The following TRHDE variants were observed in gnomAD, a reference collection of about 807,000 sequenced individuals.
TRHDE encodes thyrotropin releasing hormone degrading enzyme, also known as thyrotropin-releasing hormone-degrading ectoenzyme.
A neutral mutation model predicts 125.7 loss-of-function variants in TRHDE; 72 were observed. The observed-to-expected ratio is 0.57, with a 90% CI of 0.47 to 0.70. TRHDE has a LOEUF of 0.70. Among genes scored for constraint, TRHDE ranks in the 30% least tolerant of loss-of-function variants. The pLI is 0.00. For synonymous variants in TRHDE, 509 were observed against 509.1 expected, an observed-to-expected ratio of 1.00 and a Z score of 0.00; for missense variants, 1,110 against 1,327.1, an observed-to-expected ratio of 0.84 and a Z score of 2.54.
chr12:72,562,054 C>CT (rs1381555585), intron 7 of TRHDE, 111 bp from the exon 8 acceptor site: 2 of 518,064 alleles, frequency 3.9e-6, no homozygotes, highest in Non-Finnish European at 3.5e-6. Flanking sequence ...TTTTTATGTC[C>CT]TTTTTTATTA....
chr12:72,330,442 G>C lies in TRHDE; in HGVS notation c.1188+43488G>C, dbSNP rs1014854693. On this transcript the variant is annotated intron_variant, in intron 2 of 18. Coordinates refer to ENST00000261180, the MANE Select transcript of TRHDE (RefSeq NM_013381.3). ...GTTACGTGAGGGAGCGGAAGTGTCA[G>C]AACTGGAGCCGAGCGAGCAGCGCTC... is the stretch of plus-strand genomic sequence containing the variant. Among the ~76,000 whole-genome samples the C allele has an allele frequency of 2.6e-5, 4 of 152,300 alleles. No homozygotes were observed. The East Asian group carries it at 7.7e-4, about 29-fold the overall frequency.
At position 72,670,118 on chromosome 12, in the gene TRHDE, C is replaced by A. The variant is rs1276726715; in HGVS notation, c.*6923C>A. ...AAAGTTTACTTTCCTAAATCCATTC[C>A]CCAAGTGAACAGGCTTATTTAAAAT... On this transcript the variant is annotated 3_prime_UTR_variant, in exon 19 of 19. Transcript: ENST00000261180. 6.6e-6 allele frequency: 1 copy of A among 151,576 alleles called. No individual in the cohort carries two copies. The highest frequency in any genetic ancestry group is 2.4e-5 in the African/African-American group (1 of 41,340). The allele number at this position is 151,576 out of a possible 1,614,324, so 9.4% of individuals were successfully genotyped here. A position where few individuals can be genotyped will look rare whatever the true frequency, so the allele number is the denominator to read the frequency against.
At chr12:72,138,255 G>C (rs772924471) in intron 2 of TRHDE, among the ~76,000 whole-genome samples, 1 of 151,846 alleles carries the variant, frequency 6.6e-6, no homozygotes, top group African/African-American at 2.4e-5. Context: ...CGCACCTGTA[G>C]TGCCAGCTAC....
chr12:72,130,642 C>G (rs1875838961), intron 2 of TRHDE, among the ~76,000 whole-genome samples: 1 of 152,148 alleles, frequency 6.6e-6, no homozygotes, highest in Admixed American at 6.5e-5. Context: ...TCAGAGATTT[C>G]TGTCAATTGA....
chr12:72,405,986 G>T (rs1475904620), intron 3 of TRHDE, among the ~76,000 whole-genome samples: 1 of 152,034 alleles, frequency 6.6e-6, no homozygotes, highest in African/African-American at 2.4e-5. Context: ...TTCTTTAAAG[G>T]CTCACTAGCT....
intron 15 of TRHDE, among the ~76,000 whole-genome samples, chr12:72,628,461 G>T (rs965858519): frequency 2.6e-5 from 4 of 151,852 alleles, no homozygotes; most frequent in Non-Finnish European, 5.9e-5. Context: ...AAAAAGTTTA[G>T]CTGATTGGGC....
intron 3 of TRHDE, among the ~76,000 whole-genome samples, chr12:72,434,647 A>C (rs1253662748): frequency 1.3e-5 from 2 of 152,144 alleles, no homozygotes; most frequent in Admixed American, 6.6e-5. Context: ...GCATGGACAA[A>C]ATGACCTTGT....
intron 12 of TRHDE, among the ~76,000 whole-genome samples, chr12:72,581,501 T>C (rs148265849): frequency 6.6e-6 from 1 of 152,330 alleles, no homozygotes; most frequent in Non-Finnish European, 1.5e-5. Context: ...CCCTGGGCAG[T>C]TACTATGTTA....
At position 72,653,016 on chromosome 12, in the gene TRHDE, G is replaced by C. The variant is rs758720830; in HGVS notation, c.2844G>C (p.Arg948Ser). ...TTTTTACAAAATTCTATCTTTGAAG[G>C]CTTCTAAATCTGTCACTGAATTCTG... ...TCSDDRNLLN[R>S]LLNLSLNSEV... is the part of the protein sequence containing the mutation. The change falls in exon 17 of 19, where the codon AGG (arginine) becomes AGC (serine). Residue 948 changes from arginine to serine, a missense_variant and splice_region_variant. Around this residue, in one of 5 missense-constraint regions of TRHDE, gnomAD observed 527 missense variants for 651.8 expected, o/e 0.81. Transcript: ENST00000261180. The C allele has an allele frequency of 6.3e-7, 1 of 1,592,270 alleles. No individual in the cohort carries two copies. Among genetic ancestry groups the C allele is most frequent in the Admixed American group, 1.8e-5 (1 of 55,994 alleles).
At chr12:72,289,948 A>T (rs957252549) in intron 2 of TRHDE, among the ~76,000 whole-genome samples, 2 of 152,216 alleles carry the variant, frequency 1.3e-5, no homozygotes, top group Non-Finnish European at 2.9e-5. Flanking sequence ...TCCTATAGAC[A>T]TTTGGAGTTG....
rs926621420 is a variant in TRHDE, at chr12:72,411,490, G to A, written c.1315+33369G>A. 2.0e-4 allele frequency among the ~76,000 whole-genome samples: 30 copies of A among 151,862 alleles called. 1 individual carries two copies. Among genetic ancestry groups the A allele is most frequent in the Middle Eastern group, 3.4e-3 (1 of 292 alleles). On this transcript the variant is annotated intron_variant, in intron 3 of 18. Transcript: ENST00000261180. ...TATAAAAATTTATATTAAAATGACCGAAATAAACTTAGAACAAAAATTAAT... is the reference window on the plus strand; with the variant it reads ...TATAAAAATTTATATTAAAATGACCAAAATAAACTTAGAACAAAAATTAAT...
chr12:72,099,270 G>T (rs1261784799), intron 1 of TRHDE, among the ~76,000 whole-genome samples: 1 of 152,186 alleles, frequency 6.6e-6, no homozygotes, highest in Non-Finnish European at 1.5e-5. Flanking sequence ...AGAGGGTAAA[G>T]TGGTGTGCTA....
At chr12:72,242,245 G>T (rs1398609544) in intron 2 of TRHDE, among the ~76,000 whole-genome samples, 1 of 152,120 alleles carries the variant, frequency 6.6e-6, no homozygotes, top group East Asian at 1.9e-4. Context: ...GGTTATCAAA[G>T]TTGCTTTTTT....
rs1264116672 is a variant in TRHDE at position 72,400,550 on chromosome 12, G to T, written c.1315+22429G>T. On this transcript the variant is annotated intron_variant, in intron 3 of 18. Transcript: ENST00000261180. ...TAGATATTAGATATTCTCAAACCTT[G>T]GGAGAGTAGTGAGGACTTTGCAGAG... Among the ~76,000 whole-genome samples, 8 of 152,112 alleles carry T rather than the reference G, an allele frequency of 5.3e-5. No homozygotes were observed. The East Asian group carries it at 1.5e-3, about 29-fold the overall frequency.
intron 3 of TRHDE, among the ~76,000 whole-genome samples, chr12:72,407,196 A>G (rs1278125293): frequency 6.6e-6 from 1 of 152,176 alleles, no homozygotes; most frequent in Non-Finnish European, 1.5e-5. Context: ...CAGTGAGACA[A>G]CTTAGAACTT....
At chr12:72,131,860 G>A (rs184996227) in intron 2 of TRHDE, among the ~76,000 whole-genome samples, 8 of 152,296 alleles carry the variant, frequency 5.3e-5, no homozygotes, top group Non-Finnish European at 1.0e-4. Flanking sequence ...CATTAGCCAA[G>A]GCAAGGAGGG....
chr12:72,127,400 A>G (rs1015746600), intron 2 of TRHDE, among the ~76,000 whole-genome samples: 7 of 152,238 alleles, frequency 4.6e-5, no homozygotes, highest in African/African-American at 1.7e-4. Flanking sequence ...TGTTCATTGC[A>G]GCACAATTCA....
At chr12:72,446,536 A>G (rs1318899233) in intron 3 of TRHDE, among the ~76,000 whole-genome samples, 1 of 152,104 alleles carries the variant, frequency 6.6e-6, no homozygotes, top group African/African-American at 2.4e-5. Context: ...AATGGGCTAA[A>G]TACTCCAATT....
intron 2 of TRHDE, among the ~76,000 whole-genome samples, chr12:72,165,302 C>T (rs1304122758): frequency 6.6e-6 from 1 of 152,142 alleles, no homozygotes; most frequent in African/African-American, 2.4e-5. Flanking sequence ...AGATAGACTA[C>T]CAACATCTCA....
Sources: allele counts gnomAD v4.1 joint callset (sites outside exome capture counted in the v4.1 genomes callset), GRCh38; gene constraint gnomAD v4.1.1; regional missense constraint gnomAD v4.1.1; transcripts MANE v1.5; gene names NCBI Gene and HGNC (gene_info 2026-07-23, HGNC 2026-07-21).